The following HADHB variants were observed in gnomAD, a reference collection of about 807,000 sequenced individuals.
HADHB encodes hydroxyacyl-CoA dehydrogenase trifunctional multienzyme complex subunit beta.
A neutral mutation model predicts 61.9 loss-of-function variants in HADHB; 50 were observed. That is an observed-to-expected ratio of 0.81 (90% CI 0.64 to 1.02). The LOEUF is 1.02. HADHB is among the 50% of genes least tolerant of loss of function. The pLI is 0.00. For missense variants in HADHB, 504 were observed against 586.5 expected, an observed-to-expected ratio of 0.86 and a Z score of 1.45; for synonymous variants, 191 against 201.6, an observed-to-expected ratio of 0.95 and a Z score of 0.45.
intron 4 of HADHB, among the ~76,000 whole-genome samples, chr2:26,266,871 C>CAAAAAAAAAAAAAAAAAAA (rs56401595): frequency 6.6e-5 from 3 of 45,412 alleles, no homozygotes; most frequent in African/African-American, 3.0e-4. Context: ...CACTCTCTCT[C>CAAAAAAAAAAAAAAAAAAA]AAAAAAAAAA....
At chr2:26,283,244 G>A (rs943579760) in intron 12 of HADHB, among the ~76,000 whole-genome samples, 193 bp downstream of exon 12, 9 of 152,108 alleles carry the variant, frequency 5.9e-5, no homozygotes, top group African/African-American at 2.2e-4. Context: ...TAGTAATCTG[G>A]CCGGGCACGG....
intron 4 of HADHB, among the ~76,000 whole-genome samples, chr2:26,267,060 A>G (rs1326926253): frequency 6.6e-6 from 1 of 152,038 alleles, no homozygotes; most frequent in Non-Finnish European, 1.5e-5. Flanking sequence ...GACAGTAAAA[A>G]TATTTTGGAG....
At chr2:26,276,881 C>G (rs984732994) in intron 6 of HADHB, among the ~76,000 whole-genome samples, 192 bp from the exon 7 acceptor site, 6 of 152,152 alleles carry the variant, frequency 3.9e-5, no homozygotes, top group African/African-American at 1.4e-4. Flanking sequence ...TTTGCATATA[C>G]CTGTCAATTA....
At chr2:26,262,669 A>T (rs978215420) in intron 3 of HADHB, among the ~76,000 whole-genome samples, 10 of 152,234 alleles carry the variant, frequency 6.6e-5, no homozygotes, top group African/African-American at 2.2e-4. Flanking sequence ...AGTGCCCCTT[A>T]TTTCCACGTA....
chr2:26,266,126 C>T (rs1672066363), intron 4 of HADHB, among the ~76,000 whole-genome samples: 1 of 151,018 alleles, frequency 6.6e-6, no homozygotes, highest in South Asian at 2.1e-4. Flanking sequence ...ATTAGCCAGG[C>T]ATGGTGGTGC....
At chr2:26,288,388 C>A in intron 15 of HADHB, among the ~76,000 whole-genome samples, 1 of 152,092 alleles carries the variant, frequency 6.6e-6, no homozygotes. Flanking sequence ...TATCCCTGCT[C>A]TTTTTTTGTC....
At chr2:26,255,369 A>G (rs866965483) in intron 3 of HADHB, among the ~76,000 whole-genome samples, 2 of 151,850 alleles carry the variant, frequency 1.3e-5, no homozygotes, top group Admixed American at 6.6e-5. Context: ...GCATGGTGGC[A>G]TACGCCTGTA....
intron 5 of HADHB, among the ~76,000 whole-genome samples, chr2:26,271,256 C>T (rs1354426780): frequency 6.6e-6 from 1 of 151,066 alleles, no homozygotes; most frequent in African/African-American, 2.4e-5. Context: ...TCCTGTAATC[C>T]CAGCACTTTG....
At chr2:26,282,251 CTTT>C (rs67626722) in intron 10 of HADHB, among the ~76,000 whole-genome samples, 4 of 106,812 alleles carry the variant, frequency 3.7e-5, no homozygotes, top group Non-Finnish European at 1.9e-5. Context: ...GCAGTTCTTT[CTTT>C]TTTTTTTTTT....
rs58410284 is a variant in HADHB, at chr2:26,265,597, A to AAACAACAACAAC, written c.209+2133_209+2144dup. Among the ~76,000 whole-genome samples, 389 of 151,738 alleles carry AAACAACAACAAC rather than the reference A, an allele frequency of 2.6e-3. 2 individuals carry two copies. The highest frequency in any genetic ancestry group is 7.5e-3 in the South Asian group (36 of 4,780). On this transcript the variant is annotated intron_variant, in intron 4 of 15. Transcript: ENST00000317799. Reference sequence around the variant, plus strand: ...GGTGACAGAGCAAAACTCCATCTCAAAACAACAACAACAACAACAACAACA... The same window carrying AAACAACAACAAC: ...GGTGACAGAGCAAAACTCCATCTCAAAACAACAACAACAACAACAACAACAACAACAACAACA...
intron 1 of HADHB, among the ~76,000 whole-genome samples, chr2:26,252,258 G>C (rs1457879157): frequency 6.6e-6 from 1 of 152,248 alleles, no homozygotes; most frequent in Non-Finnish European, 1.5e-5. Context: ...GTGATATGGA[G>C]AGGGAGGCAG....
intron 4 of HADHB, among the ~76,000 whole-genome samples, chr2:26,267,155 G>A (rs1253263923): frequency 2.0e-5 from 3 of 152,016 alleles, no homozygotes; most frequent in Non-Finnish European, 4.4e-5. Context: ...AAAATAAAGA[G>A]AATTTATTTT....
intron 5 of HADHB, among the ~76,000 whole-genome samples, chr2:26,272,494 T>A (rs1310102362): frequency 6.6e-6 from 1 of 151,932 alleles, no homozygotes; most frequent in Non-Finnish European, 1.5e-5. Flanking sequence ...TACAGGCACA[T>A]GCCACCAGTC....
intron 6 of HADHB, 89 bp downstream of exon 6, chr2:26,273,839 T>TA (rs1268532975): frequency 1.3e-5 from 10 of 754,222 alleles, no homozygotes; most frequent in Non-Finnish European, 2.4e-5. Context: ...CAAAAGCCTT[T>TA]AAAATCTATT....
intron 1 of HADHB, among the ~76,000 whole-genome samples, chr2:26,253,853 C>CAAA (rs1298963823): frequency 4.0e-5 from 3 of 75,684 alleles, no homozygotes; most frequent in Admixed American, 1.3e-4. Flanking sequence ...AACTCCATCT[C>CAAA]AAAAAAATAA....
intron 3 of HADHB, among the ~76,000 whole-genome samples, chr2:26,255,270 C>T (rs2147801773): frequency 6.6e-6 from 1 of 152,228 alleles, no homozygotes; most frequent in Non-Finnish European, 1.5e-5. Context: ...GAGGCTGAGG[C>T]AGGTGGATGG....
intron 6 of HADHB, 151 bp from the exon 7 acceptor site, chr2:26,276,922 C>T: frequency 3.1e-6 from 2 of 637,580 alleles, no homozygotes; most frequent in Non-Finnish European, 2.9e-6. Flanking sequence ...TGAACCATTT[C>T]TGTGATGGAC....
chr2:26,263,549 G>A (rs1385049923), intron 4 of HADHB, 70 bp downstream of exon 4: 3 of 927,782 alleles, frequency 3.2e-6, no homozygotes, highest in Non-Finnish European at 5.4e-6. Flanking sequence ...CTTTGTAAAT[G>A]TAACCCAGTA....
Position 26,251,510 on chromosome 2 carries a change from C to T in HADHB, c.-8-2737C>T, listed in dbSNP as rs887998695. Among the ~76,000 whole-genome samples the T allele has an allele frequency of 3.9e-5, 6 of 152,276 alleles. No individual in the cohort carries two copies. In the East Asian group the frequency reaches 1.2e-3, roughly 29 times the overall value. On this transcript the variant is annotated intron_variant, in intron 1 of 15. Coordinates refer to ENST00000317799, the MANE Select transcript of HADHB (RefSeq NM_000183.3). ...GCCTAGAAAGTTTTGTTATCTGTTGCAACAAGGTTCCCCCTTTTGTTTTTC... is the reference window on the plus strand; with the variant it reads ...GCCTAGAAAGTTTTGTTATCTGTTGTAACAAGGTTCCCCCTTTTGTTTTTC...
Sources: gnomAD v4.1 joint callset for allele counts (sites outside exome capture counted in the v4.1 genomes callset) on GRCh38, gnomAD v4.1.1 for gene constraint, MANE v1.5 for transcripts, NCBI Gene and HGNC (gene_info 2026-07-23, HGNC 2026-07-21) for gene names.